The following USP7 variants were observed in gnomAD, a reference collection of about 807,000 sequenced individuals.
The protein encoded by USP7 is ubiquitin C-terminal hydrolase 7.
USP7 carries 9 observed loss-of-function variants against 162.9 expected under a neutral mutation model. The ratio of observed to expected loss-of-function variants is 0.06; its 90% confidence interval spans 0.03 to 0.10. The LOEUF is 0.10. USP7 is among the 10% of genes least tolerant of loss of function. The pLI, the probability that USP7 is intolerant of heterozygous loss-of-function variation, is 1.00. For missense variants in USP7, 715 were observed against 1,373.7 expected (o/e 0.52, Z 7.58); for synonymous variants, 562 against 475.9 (o/e 1.18, Z -2.35).
intron 2 of USP7, among the ~76,000 whole-genome samples, chr16:8,926,048 G>T (rs1897969148): frequency 6.6e-6 from 1 of 152,114 alleles, no homozygotes; most frequent in Admixed American, 6.5e-5. Flanking sequence ...CAGCTACTAG[G>T]GAGGCTGAGG....
intron 6 of USP7, among the ~76,000 whole-genome samples, chr16:8,918,311 C>T (rs1897491010): frequency 1.3e-5 from 2 of 152,158 alleles, no homozygotes; most frequent in African/African-American, 4.8e-5. Flanking sequence ...ATAATAATCA[C>T]AAGTAATTCT....
At position 8,933,268 on chromosome 16, in the gene USP7, GCA is replaced by G. The variant is rs1162818807; in HGVS notation, c.80-2873_80-2872del. On this transcript the variant is annotated intron_variant, in intron 1 of 30. Transcript: ENST00000344836. ...TAGAATGTTAAAAAAATTTAGCCAAGCACAGTGGCTCATGCCTATATAATCCC... is the reference window on the plus strand; with the variant it reads ...TAGAATGTTAAAAAAATTTAGCCAAGCAGTGGCTCATGCCTATATAATCCC... Among the ~76,000 whole-genome samples the G allele has an allele frequency of 1.4e-4, 22 of 152,216 alleles. No homozygotes were observed. The East Asian group carries it at 4.1e-3, about 28-fold the overall frequency.
rs768031178 is a variant in USP7, at chr16:8,906,593, A to C, written c.1272-11T>G. ...TCTGGGAATTCAAACCTATTAGAAA[A>C]CATTTTAAAAGAAATTCAGTATTAA... On this transcript the variant is annotated splice_polypyrimidine_tract_variant and intron_variant, in intron 12 of 30. Coordinates refer to ENST00000344836, the MANE Select transcript of USP7 (RefSeq NM_003470.3). The C allele has an allele frequency of 3.1e-6, 5 of 1,607,600 alleles. No homozygotes were observed. In the South Asian group the frequency reaches 5.5e-5, roughly 18 times the overall value.
chr16:8,916,872 A>G (rs1050528409), intron 7 of USP7, among the ~76,000 whole-genome samples, 154 bp downstream of exon 7: 1 of 152,076 alleles, frequency 6.6e-6, no homozygotes, highest in Non-Finnish European at 1.5e-5. Flanking sequence ...ACAAAATACA[A>G]TGATAAAAGC....
intron 26 of USP7, among the ~76,000 whole-genome samples, chr16:8,896,262 T>G (rs1334247825): frequency 6.6e-6 from 1 of 150,914 alleles, no homozygotes; most frequent in Non-Finnish European, 1.5e-5. Flanking sequence ...AAAGTGGAAA[T>G]GGCCACATTT....
At chr16:8,962,735 G>C (rs1306965559) in intron 1 of USP7, 7 of 165,040 alleles carry the variant, frequency 4.2e-5, no homozygotes, top group Non-Finnish European at 9.4e-5. Context: ...AAGTGATTTG[G>C]AAGAGCGCTT....
chr16:8,930,549 T>C, intron 1 of USP7, 152 bp from the exon 2 acceptor site: 1 of 577,682 alleles, frequency 1.7e-6, no homozygotes. Context: ...AAAATATTTA[T>C]ACTAATGTTT....
At chr16:8,933,758 C>CTT (rs550079695) in intron 1 of USP7, among the ~76,000 whole-genome samples, 18 of 143,332 alleles carry the variant, frequency 1.3e-4, no homozygotes, top group African/African-American at 3.1e-4. Flanking sequence ...CCTATACAAA[C>CTT]TTTTTTTTTT....
chr16:8,924,273 C>T (rs1209973050), intron 2 of USP7, among the ~76,000 whole-genome samples: 1 of 152,248 alleles, frequency 6.6e-6, no homozygotes, highest in African/African-American at 2.4e-5. Context: ...GCACAGTCCT[C>T]CCACACCCAC....
Position 8,922,207 on chromosome 16 carries a change from G to A in USP7, c.384-912C>T, listed in dbSNP as rs117137129. 1.5e-3 allele frequency among the ~76,000 whole-genome samples: 230 copies of A among 152,308 alleles called. 1 individual carries two copies. The East Asian group carries it at 0.019, about 12-fold the overall frequency. On this transcript the variant is annotated intron_variant, in intron 3 of 30. Transcript: ENST00000344836. ...TAAACATTAAAGAAAATGAAAGTACGGCCAGGTGCGCTGGCTCACGCCTGT... is the reference window on the plus strand; with the variant it reads ...TAAACATTAAAGAAAATGAAAGTACAGCCAGGTGCGCTGGCTCACGCCTGT...
chr16:8,895,387 T>C (rs1380721908), intron 27 of USP7, among the ~76,000 whole-genome samples: 2 of 152,230 alleles, frequency 1.3e-5, no homozygotes, highest in East Asian at 3.8e-4. Flanking sequence ...TACTGTATTA[T>C]CCCAGTTCCT....
rs2061619918 is a variant in USP7, at chr16:8,892,852, C to G, written c.*1146G>C. The stretch of plus-strand genomic sequence containing the variant: ...AATATACAGGAAGAGTTGGTGTACA[C>G]TGCTCCCACAGAAACAACCCAAAAA... On this transcript the variant is annotated 3_prime_UTR_variant, in exon 31 of 31. Transcript: ENST00000344836. The G allele has an allele frequency of 6.6e-6, 1 of 152,156 alleles. No homozygotes were observed. Among genetic ancestry groups the G allele is most frequent in the African/African-American group, 2.4e-5 (1 of 41,432 alleles). 9.4% of individuals were successfully genotyped at this position (152,156 alleles called of 1,614,324 possible).
chr16:8,952,502 C>T (rs1347017140), intron 1 of USP7, among the ~76,000 whole-genome samples: 2 of 152,254 alleles, frequency 1.3e-5, no homozygotes, highest in South Asian at 2.1e-4. Flanking sequence ...GTTTCCCTGC[C>T]GCTTCCGGGT....
At chr16:8,956,266 T>C (rs1046188633) in intron 1 of USP7, 2 of 152,220 alleles carry the variant, frequency 1.3e-5, no homozygotes, top group African/African-American at 4.8e-5. Context: ...TCCTTCTAAA[T>C]AGTTTTTAGA....
At chr16:8,927,840 T>C (rs575473006) in intron 2 of USP7, among the ~76,000 whole-genome samples, 14 of 151,998 alleles carry the variant, frequency 9.2e-5, no homozygotes, top group Admixed American at 3.9e-4. Context: ...TATCTCAAAA[T>C]AAAATAAAAT....
chr16:8,947,631 C>T (rs574382390), intron 1 of USP7, among the ~76,000 whole-genome samples: 7 of 135,324 alleles, frequency 5.2e-5, no homozygotes, highest in African/African-American at 2.4e-4. Context: ...TACAGGTGTG[C>T]GCTTATTTTT....
chr16:8,901,125 G>T lies in USP7; in HGVS notation c.2140+17C>A. The T allele has an allele frequency of 3.1e-6, 5 of 1,612,858 alleles. No homozygotes were observed. Among genetic ancestry groups the T allele is most frequent in the Non-Finnish European group, 4.2e-6 (5 of 1,178,832 alleles). On this transcript the variant is annotated intron_variant, in intron 19 of 30. Coordinates refer to ENST00000344836, the MANE Select transcript of USP7 (RefSeq NM_003470.3). Reference sequence around the variant, plus strand: ...TGAGCAAAATCTACTCAGAAGGTAAGTGCACGAAGGACTTACGTATTTTAC... The same window carrying T: ...TGAGCAAAATCTACTCAGAAGGTAATTGCACGAAGGACTTACGTATTTTAC...
intron 1 of USP7, among the ~76,000 whole-genome samples, chr16:8,956,918 A>G (rs1899835846): frequency 6.6e-6 from 1 of 152,090 alleles, no homozygotes; most frequent in Non-Finnish European, 1.5e-5. Context: ...TGGGCAGCAC[A>G]ACACAGACAA....
Position 8,893,901 on chromosome 16 carries a change from G to T in USP7, c.*97C>A. The T allele has an allele frequency of 9.4e-7, 1 of 1,063,970 alleles. No homozygotes were observed. Among genetic ancestry groups the T allele is most frequent in the Non-Finnish European group, 1.5e-6 (1 of 686,504 alleles). The allele number at this position is 1,063,970 out of a possible 1,614,324, so 65.9% of individuals were successfully genotyped here. Reference sequence around the variant, plus strand: ...ATTAACACCAGCAGCGAATCCTCTTGCTGAAGACTTCGGCTAGAGGGCACG... The same window carrying T: ...ATTAACACCAGCAGCGAATCCTCTTTCTGAAGACTTCGGCTAGAGGGCACG... On this transcript the variant is annotated 3_prime_UTR_variant, in exon 31 of 31. Coordinates refer to ENST00000344836, the MANE Select transcript of USP7 (RefSeq NM_003470.3).
Sources: gnomAD v4.1 joint callset for allele counts (sites outside exome capture counted in the v4.1 genomes callset) on GRCh38, gnomAD v4.1.1 for gene constraint, MANE v1.5 for transcripts, NCBI Gene and HGNC (gene_info 2026-07-23, HGNC 2026-07-21) for gene names.